LAMA2: variants seen among roughly 807,000 people sequenced by gnomAD.
LAMA2 encodes the protein laminin subunit alpha 2.
LAMA2 carries 269 observed loss-of-function variants against 364.8 expected under a neutral mutation model. The ratio of observed to expected loss-of-function variants is 0.74; its 90% confidence interval spans 0.67 to 0.82. LAMA2 has a LOEUF of 0.82. Among genes scored for constraint, LAMA2 ranks in the 40% least tolerant of loss-of-function variants. The pLI is 0.00. For synonymous variants in LAMA2, 1,379 were observed against 1,370.6 expected, an observed-to-expected ratio of 1.01 and a Z score of -0.14; for missense variants, 3,807 against 3,873.2, an observed-to-expected ratio of 0.98 and a Z score of 0.45.
chr6:128,967,542 G>C (rs773544163), intron 1 of LAMA2, among the ~76,000 whole-genome samples: 14 of 152,090 alleles, frequency 9.2e-5, no homozygotes, highest in Non-Finnish European at 2.1e-4. Context: ...TGTGCTAAGG[G>C]GGTGACTAAA....
At chr6:128,966,084 G>T (rs944534476) in intron 1 of LAMA2, among the ~76,000 whole-genome samples, 2 of 148,492 alleles carry the variant, frequency 1.3e-5, no homozygotes, top group African/African-American at 5.0e-5. Flanking sequence ...AACTTATCAG[G>T]AACAGAAAAT....
intron 4 of LAMA2, among the ~76,000 whole-genome samples, chr6:129,110,773 C>A (rs1370196660): frequency 6.6e-6 from 1 of 151,974 alleles, no homozygotes; most frequent in Non-Finnish European, 1.5e-5. Context: ...CATTCCACTT[C>A]ATAAATGGAA....
intron 34 of LAMA2, among the ~76,000 whole-genome samples, chr6:129,377,452 G>A (rs956165444): frequency 3.3e-5 from 5 of 152,122 alleles, no homozygotes; most frequent in Admixed American, 6.5e-5. Flanking sequence ...AAATTGGCAC[G>A]TGAAATATTT....
At chr6:129,263,909 T>C (rs529073008) in intron 15 of LAMA2, among the ~76,000 whole-genome samples, 1 of 152,172 alleles carries the variant, frequency 6.6e-6, no homozygotes, top group East Asian at 1.9e-4. Context: ...CCAGCTATTT[T>C]TTTTTGTTTG....
intron 4 of LAMA2, among the ~76,000 whole-genome samples, chr6:129,111,819 G>T (rs965158849): frequency 3.9e-5 from 6 of 151,932 alleles, no homozygotes; most frequent in Non-Finnish European, 8.8e-5. Flanking sequence ...TTTAAATTTT[G>T]TAGGGAAGGG....
rs1429554078 is a variant in LAMA2, at chr6:128,948,993, TGA to T, written c.112+65637_112+65638del. Among the ~76,000 whole-genome samples, 27 of 152,302 alleles carry T rather than the reference TGA, an allele frequency of 1.8e-4. No individual in the cohort carries two copies. In the South Asian group the frequency reaches 5.4e-3, roughly 30 times the overall value. On this transcript the variant is annotated intron_variant, in intron 1 of 64. Transcript: ENST00000421865. ...CAGTGCAAAAAATGGCTTAACACTG[TGA>T]TATTTGGTATTTTCTAGTCCATTAG...
intron 1 of LAMA2, among the ~76,000 whole-genome samples, chr6:128,986,770 G>T (rs1167108760): frequency 1.3e-5 from 2 of 151,494 alleles, no homozygotes; most frequent in East Asian, 3.9e-4. Flanking sequence ...TTATGGTTAA[G>T]CCACCAAACA....
chr6:129,251,193 G>A (rs1786213721), intron 13 of LAMA2, among the ~76,000 whole-genome samples: 1 of 151,132 alleles, frequency 6.6e-6, no homozygotes, highest in South Asian at 2.1e-4. Context: ...TAGCATTCAT[G>A]TGAATGAACT....
intron 4 of LAMA2, among the ~76,000 whole-genome samples, chr6:129,099,126 T>G (rs1223447382): frequency 7.9e-5 from 1 of 12,648 alleles, no homozygotes; most frequent in African/African-American, 1.2e-4. Context: ...TTTTTTTTTG[T>G]TTTTTTTTTT....
intron 40 of LAMA2, among the ~76,000 whole-genome samples, chr6:129,426,061 C>A (rs1480665130): frequency 6.6e-6 from 1 of 152,100 alleles, no homozygotes; most frequent in Non-Finnish European, 1.5e-5. Flanking sequence ...ATTATCTTGA[C>A]AATTCAGGAT....
chr6:129,208,629 AAG>A (rs747654263), intron 12 of LAMA2, among the ~76,000 whole-genome samples: 111 of 122,442 alleles, frequency 9.1e-4, no homozygotes, highest in Non-Finnish European at 1.4e-3. Flanking sequence ...GAAAGAAAGA[AAG>A]AAGAAAGAAA....
chr6:129,461,209 G>A (rs926127455), intron 49 of LAMA2, among the ~76,000 whole-genome samples: 1 of 151,940 alleles, frequency 6.6e-6, no homozygotes, highest in African/African-American at 2.4e-5. Context: ...AAGTGCTAAG[G>A]AGTTTGTGTT....
At position 129,416,115 on chromosome 6, in the gene LAMA2, AT is replaced by A. The variant is rs1455328246; in HGVS notation, c.5866-11630del. Among the ~76,000 whole-genome samples the A allele has an allele frequency of 3.7e-4, 35 of 95,830 alleles. 6 individuals carry two copies. Among genetic ancestry groups the A allele is most frequent in the African/African-American group, 1.5e-3 (30 of 20,382 alleles). The allele number at this position is 95,830 out of a possible 152,430, so 62.9% of individuals were successfully genotyped here. ...AGGCGCCCGCCACTACGCCCGGCTA[AT>A]TTTTTTGTATTTTTAGTAGAGACGG... On this transcript the variant is annotated intron_variant, in intron 40 of 64. Transcript: ENST00000421865.
chr6:129,024,824 A>T (rs1033220355), intron 1 of LAMA2, among the ~76,000 whole-genome samples: 1 of 152,054 alleles, frequency 6.6e-6, no homozygotes, highest in African/African-American at 2.4e-5. Flanking sequence ...TGGCATGCAC[A>T]TGTAATCCCA....
chr6:129,386,663 A>G (rs1425490361), intron 35 of LAMA2, among the ~76,000 whole-genome samples: 1 of 152,208 alleles, frequency 6.6e-6, no homozygotes, highest in African/African-American at 2.4e-5. Context: ...CACTAATAAT[A>G]AATAAATGTT....
At chr6:129,447,651 T>TAG (rs1782456300) in intron 45 of LAMA2, among the ~76,000 whole-genome samples, 1 of 152,184 alleles carries the variant, frequency 6.6e-6, no homozygotes, top group Admixed American at 6.5e-5. Flanking sequence ...GAACACAGTA[T>TAG]AATCAGAGCT....
intron 22 of LAMA2, among the ~76,000 whole-genome samples, chr6:129,309,846 TTAGA>T (rs1037931935): frequency 1.3e-5 from 2 of 151,964 alleles, no homozygotes; most frequent in African/African-American, 4.8e-5. Context: ...TTAGCAATAA[TTAGA>T]TAGAAAAATA....
chr6:129,276,359 G>A (rs893863898), intron 17 of LAMA2, among the ~76,000 whole-genome samples: 1 of 152,140 alleles, frequency 6.6e-6, no homozygotes, highest in African/African-American at 2.4e-5. Context: ...CATGATTAAA[G>A]GAGTGCTTGT....
intron 24 of LAMA2, among the ~76,000 whole-genome samples, chr6:129,315,089 C>G (rs1273254021): frequency 6.6e-6 from 1 of 152,104 alleles, no homozygotes; most frequent in African/African-American, 2.4e-5. Flanking sequence ...GTGAGGGCAC[C>G]AGAGCATGAA....
Sources: allele counts gnomAD v4.1 joint callset (sites outside exome capture counted in the v4.1 genomes callset), GRCh38; gene constraint gnomAD v4.1.1; transcripts MANE v1.5; gene names NCBI Gene and HGNC (gene_info 2026-07-23, HGNC 2026-07-21).